The following PDE10A variants were observed in gnomAD, a reference collection of about 807,000 sequenced individuals.
The protein encoded by PDE10A is phosphodiesterase 10A, also known as cAMP and cAMP-inhibited cGMP 3',5'-cyclic phosphodiesterase 10A.
PDE10A carries 39 observed loss-of-function variants against 97.7 expected under a neutral mutation model. The ratio of observed to expected loss-of-function variants is 0.40; its 90% CI spans 0.31 to 0.52. The LOEUF is 0.52. PDE10A is among the 20% of genes least tolerant of loss of function. PDE10A has a pLI of 0.56. For synonymous variants in PDE10A, 371 were observed against 376.8 expected (o/e 0.98, Z 0.18); for missense variants, 731 against 1,047.8 (o/e 0.70, Z 4.17).
intron 2 of PDE10A, among the ~76,000 whole-genome samples, chr6:165,491,514 A>G (rs1360392404): frequency 9.2e-5 from 14 of 152,200 alleles, no homozygotes; most frequent in Non-Finnish European, 2.1e-4. Flanking sequence ...AATCTCAACA[A>G]ATTTAAGAAA....
intron 1 of PDE10A, among the ~76,000 whole-genome samples, chr6:165,646,703 T>TC (rs34371595): frequency 6.6e-6 from 1 of 152,210 alleles, no homozygotes; most frequent in East Asian, 1.9e-4. Context: ...ACCCACCTGC[T>TC]CCCCTGCTGC....
intron 2 of PDE10A, among the ~76,000 whole-genome samples, chr6:165,526,816 G>A (rs1340453755): frequency 2.6e-5 from 4 of 152,194 alleles, no homozygotes; most frequent in African/African-American, 4.8e-5. Context: ...CCCAGCAGAA[G>A]CAATCTGACT....
At chr6:165,779,233 T>C (rs976450929) in intron 1 of PDE10A, among the ~76,000 whole-genome samples, 1 of 152,246 alleles carries the variant, frequency 6.6e-6, no homozygotes, top group African/African-American at 2.4e-5. Context: ...CCCCAAACCT[T>C]CCTTGAATGC....
chr6:165,564,725 G>A (rs946844743), intron 1 of PDE10A, among the ~76,000 whole-genome samples: 1 of 152,132 alleles, frequency 6.6e-6, no homozygotes, highest in Non-Finnish European at 1.5e-5. Flanking sequence ...AACTGACTTG[G>A]AGCTTGTCTG....
At chr6:165,787,684 T>C (rs989148758) in intron 1 of PDE10A, among the ~76,000 whole-genome samples, 2 of 152,232 alleles carry the variant, frequency 1.3e-5, no homozygotes, top group Admixed American at 6.5e-5. Context: ...TATTCAGTAA[T>C]TCATCCATTC....
chr6:165,971,825 TTTTA>T (rs1296112197), intron 1 of PDE10A, among the ~76,000 whole-genome samples: 8 of 152,292 alleles, frequency 5.3e-5, no homozygotes, highest in Non-Finnish European at 1.0e-4. Flanking sequence ...GCCACAGAGC[TTTTA>T]TTTATTTATT....
chr6:165,517,317 C>G (rs1781870101), intron 2 of PDE10A, among the ~76,000 whole-genome samples: 1 of 152,128 alleles, frequency 6.6e-6, no homozygotes, highest in Non-Finnish European at 1.5e-5. Context: ...CTCACAGTCT[C>G]TATCAAAAAT....
At chr6:165,921,654 G>C (rs1330335464) in intron 1 of PDE10A, among the ~76,000 whole-genome samples, 1 of 152,202 alleles carries the variant, frequency 6.6e-6, no homozygotes, top group Non-Finnish European at 1.5e-5. Context: ...GAAAGAGGCT[G>C]TTCCAAGCAA....
chr6:165,496,079 C>T (rs1185189133), intron 2 of PDE10A, among the ~76,000 whole-genome samples: 2 of 151,948 alleles, frequency 1.3e-5, no homozygotes, highest in African/African-American at 2.4e-5. Flanking sequence ...CGGCAGTCTC[C>T]TGGAGAAGGT....
At chr6:165,347,594 C>G (rs574192060) in intron 18 of PDE10A, among the ~76,000 whole-genome samples, 11 of 152,046 alleles carry the variant, frequency 7.2e-5, no homozygotes, top group Non-Finnish European at 1.3e-4. Flanking sequence ...AAAGTTAATA[C>G]CAGAGTATTA....
chr6:165,466,085 A>G (rs2128264771), intron 3 of PDE10A, among the ~76,000 whole-genome samples: 1 of 152,354 alleles, frequency 6.6e-6, no homozygotes, highest in South Asian at 2.1e-4. Flanking sequence ...CTGCAAATCA[A>G]CAAGGCACTA....
chr6:165,915,362 A>C (rs1782576777), intron 1 of PDE10A, among the ~76,000 whole-genome samples: 1 of 152,224 alleles, frequency 6.6e-6, no homozygotes, highest in Non-Finnish European at 1.5e-5. Flanking sequence ...ATAAAATAAA[A>C]TATTAAAACC....
At chr6:165,702,036 C>T (rs1791592461) in intron 1 of PDE10A, among the ~76,000 whole-genome samples, 1 of 152,112 alleles carries the variant, frequency 6.6e-6, no homozygotes, top group Non-Finnish European at 1.5e-5. Context: ...GAAGATGTGG[C>T]CAGGAGGCAG....
At chr6:165,630,480 T>C (rs962416858) in intron 1 of PDE10A, among the ~76,000 whole-genome samples, 1 of 152,168 alleles carries the variant, frequency 6.6e-6, no homozygotes, top group Non-Finnish European at 1.5e-5. Flanking sequence ...TGAATGCATT[T>C]AAAAACTGCA....
chr6:165,742,300 C>T (rs1792745069), intron 1 of PDE10A, among the ~76,000 whole-genome samples: 1 of 152,184 alleles, frequency 6.6e-6, no homozygotes, highest in African/African-American at 2.4e-5. Flanking sequence ...TAGTTAACAT[C>T]TATCAAGTGC....
intron 1 of PDE10A, among the ~76,000 whole-genome samples, chr6:165,930,483 A>G (rs1391728093): frequency 6.6e-6 from 1 of 152,196 alleles, no homozygotes; most frequent in Non-Finnish European, 1.5e-5. Context: ...AGGAGAGAAA[A>G]TTAACAATGT....
intron 1 of PDE10A, among the ~76,000 whole-genome samples, chr6:165,735,001 GTAGGTAGGTAGA>G (rs1396609295): frequency 1.9e-4 from 28 of 145,780 alleles, no homozygotes; most frequent in African/African-American, 7.6e-4. Context: ...TAGTAGGTAG[GTAGGTAGGTAGA>G]TAGGTAGGTA....
chr6:165,974,911 C>T (rs1452524929), intron 1 of PDE10A, among the ~76,000 whole-genome samples: 1 of 152,158 alleles, frequency 6.6e-6, no homozygotes, highest in Non-Finnish European at 1.5e-5. Context: ...ACACACCTGC[C>T]CTATCTATAG....
At chr6:165,834,726 G>C (rs534950785) in intron 1 of PDE10A, among the ~76,000 whole-genome samples, 1 of 139,118 alleles carries the variant, frequency 7.2e-6, no homozygotes, top group Admixed American at 7.1e-5. Flanking sequence ...AGGTGAACAA[G>C]AGTGGCTGCC....
Sources: allele counts gnomAD v4.1 joint callset (sites outside exome capture counted in the v4.1 genomes callset), GRCh38; gene constraint gnomAD v4.1.1; transcripts MANE v1.5; gene names NCBI Gene and HGNC (gene_info 2026-07-23, HGNC 2026-07-21).